The following SIPA1L1 variants were observed in gnomAD, a reference collection of about 807,000 sequenced individuals.
The protein encoded by SIPA1L1 is signal-induced proliferation-associated 1-like protein 1.
Under a neutral mutation model 162.7 loss-of-function variants are expected in SIPA1L1, and 26 were observed. The ratio of observed to expected loss-of-function variants is 0.16; its 90% CI spans 0.12 to 0.22. The LOEUF (loss-of-function observed/expected upper bound fraction) is 0.22. SIPA1L1 is among the 10% of genes least tolerant of loss of function. The pLI is 1.00. For missense variants in SIPA1L1, 1,874 were observed against 2,241.0 expected (o/e 0.84, Z 3.31); for synonymous variants, 829 against 837.4 (o/e 0.99, Z 0.17).
At chr14:71,630,250 G>A (rs1279062275) in intron 7 of SIPA1L1, among the ~76,000 whole-genome samples, 1 of 152,176 alleles carries the variant, frequency 6.6e-6, no homozygotes, top group Admixed American at 6.5e-5. Flanking sequence ...ATCTAGTCAG[G>A]GGAAGAAATC....
chr14:71,477,137 A>G (rs1371499164), intron 2 of SIPA1L1, among the ~76,000 whole-genome samples: 9 of 152,196 alleles, frequency 5.9e-5, no homozygotes, highest in Non-Finnish European at 1.3e-4. Flanking sequence ...TCAGCTACTC[A>G]GTAATCTCAG....
chr14:71,662,301 A>G (rs2043596449), intron 10 of SIPA1L1, among the ~76,000 whole-genome samples: 1 of 152,234 alleles, frequency 6.6e-6, no homozygotes, highest in South Asian at 2.1e-4. Context: ...GAGTAAGCGT[A>G]GCTTAGGGAA....
intron 2 of SIPA1L1, among the ~76,000 whole-genome samples, chr14:71,452,070 C>T (rs986866206): frequency 6.6e-6 from 1 of 152,064 alleles, no homozygotes; most frequent in Non-Finnish European, 1.5e-5. Context: ...GCAGATAGAT[C>T]CTACGTTTTC....
chr14:71,354,418 CA>C (rs891629033), intron 2 of SIPA1L1, among the ~76,000 whole-genome samples: 1 of 151,768 alleles, frequency 6.6e-6, no homozygotes, highest in African/African-American at 2.4e-5. Flanking sequence ...GCTGGGATTA[CA>C]GGCGCCCGTC....
intron 2 of SIPA1L1, among the ~76,000 whole-genome samples, chr14:71,362,341 C>T (rs951179813): frequency 6.6e-6 from 1 of 151,798 alleles, no homozygotes; most frequent in Non-Finnish European, 1.5e-5. Flanking sequence ...CCAAAGGTTC[C>T]CTGTGAAAGA....
chr14:71,615,635 T>C (rs950270909), intron 5 of SIPA1L1, among the ~76,000 whole-genome samples: 1 of 152,080 alleles, frequency 6.6e-6, no homozygotes, highest in Non-Finnish European at 1.5e-5. Context: ...GGGAGCTATA[T>C]AGGTTTCTGT....
At chr14:71,424,932 A>C (rs2043452594) in intron 2 of SIPA1L1, among the ~76,000 whole-genome samples, 1 of 151,820 alleles carries the variant, frequency 6.6e-6, no homozygotes, top group Admixed American at 6.6e-5. Flanking sequence ...TACTGATTTA[A>C]TCTCTGTACT....
chr14:71,463,315 C>T (rs1286777471), intron 2 of SIPA1L1, among the ~76,000 whole-genome samples: 5 of 152,160 alleles, frequency 3.3e-5, no homozygotes, highest in South Asian at 2.1e-4. Flanking sequence ...ATGCCAATTA[C>T]GCATTCTGGC....
At chr14:71,738,467 G>T in intron 23 of SIPA1L1, 142 bp downstream of exon 23, 1 of 568,544 alleles carries the variant, frequency 1.8e-6, no homozygotes, top group Non-Finnish European at 3.1e-6. Context: ...AGGGATTTCA[G>T]TTGCCACTGG....
intron 10 of SIPA1L1, among the ~76,000 whole-genome samples, chr14:71,670,892 G>A (rs2044449193): frequency 6.6e-6 from 1 of 152,090 alleles, no homozygotes; most frequent in Non-Finnish European, 1.5e-5. Flanking sequence ...TGGGATTTTG[G>A]GAGGTTTGTT....
chr14:71,511,137 A>G (rs1555443996), intron 2 of SIPA1L1, among the ~76,000 whole-genome samples: 1 of 152,224 alleles, frequency 6.6e-6, no homozygotes, highest in Non-Finnish European at 1.5e-5. Context: ...CTTCAAATTT[A>G]AAAACCTTTA....
chr14:71,708,029 G>GTTT (rs58827391), intron 16 of SIPA1L1, among the ~76,000 whole-genome samples: 1 of 82,088 alleles, frequency 1.2e-5, no homozygotes, highest in African/African-American at 5.7e-5. Context: ...TTTTTTTTTT[G>GTTT]TTTTTTTTTT....
chr14:71,595,949 T>C (rs1315893662), intron 5 of SIPA1L1, among the ~76,000 whole-genome samples: 1 of 152,236 alleles, frequency 6.6e-6, no homozygotes, highest in Non-Finnish European at 1.5e-5. Flanking sequence ...TCTTAGTCCC[T>C]TTATAGTCTA....
chr14:71,626,979 T>A (rs929649370), intron 7 of SIPA1L1, among the ~76,000 whole-genome samples: 12 of 151,850 alleles, frequency 7.9e-5, no homozygotes, highest in African/African-American at 2.9e-4. Context: ...AATCTAATAA[T>A]TTTTTTATTT....
intron 2 of SIPA1L1, among the ~76,000 whole-genome samples, chr14:71,363,982 G>T (rs1327966809): frequency 1.3e-5 from 2 of 152,142 alleles, no homozygotes; most frequent in Admixed American, 1.3e-4. Context: ...TACAGCAGTG[G>T]TTCTGAAACT....
intron 2 of SIPA1L1, among the ~76,000 whole-genome samples, chr14:71,430,325 CTG>C (rs1167787644): frequency 6.6e-6 from 1 of 152,092 alleles, no homozygotes; most frequent in African/African-American, 2.4e-5. Context: ...AAATAAAAAA[CTG>C]TAATACTTAT....
intron 19 of SIPA1L1, among the ~76,000 whole-genome samples, chr14:71,727,377 G>A (rs942606575): frequency 1.3e-5 from 2 of 151,592 alleles, no homozygotes; most frequent in Non-Finnish European, 2.9e-5. Flanking sequence ...TTCCTCAACT[G>A]TGAGATAGAG....
At chr14:71,734,008 G>C (rs1472749266) in intron 21 of SIPA1L1, among the ~76,000 whole-genome samples, 196 bp downstream of exon 21, 1 of 152,154 alleles carries the variant, frequency 6.6e-6, no homozygotes, top group Non-Finnish European at 1.5e-5. Flanking sequence ...GATGCCACCT[G>C]GTGTTTCCTC....
chr14:71,737,657 G>T (rs977485612), intron 22 of SIPA1L1, among the ~76,000 whole-genome samples: 1 of 152,162 alleles, frequency 6.6e-6, no homozygotes, highest in African/African-American at 2.4e-5. Flanking sequence ...AGAAGAAAAT[G>T]GTTTTTTGAT....
Sources: allele counts gnomAD v4.1 joint callset (sites outside exome capture counted in the v4.1 genomes callset), GRCh38; gene constraint gnomAD v4.1.1; transcripts MANE v1.5; gene names NCBI Gene and HGNC (gene_info 2026-07-23, HGNC 2026-07-21).